Variants in BCR observed in about 807,000 individuals in gnomAD.
The protein encoded by BCR is BCR activator of RhoGEF and GTPase, also known as breakpoint cluster region protein.
In BCR, 58 loss-of-function variants were observed where a neutral mutation model predicts 138.6. The ratio of observed to expected loss-of-function variants is 0.42; its 90% CI spans 0.34 to 0.52. The LOEUF (loss-of-function observed/expected upper bound fraction) is 0.52, where lower values mean the gene tolerates loss of function less well. Ranked by LOEUF, BCR falls within the 20% of genes least tolerant of loss-of-function variation. The pLI is 0.06. For missense variants in BCR, 1,599 were observed against 1,727.2 expected (o/e 0.93, Z 1.32); for synonymous variants, 786 against 730.1 (o/e 1.08, Z -1.23).
Position 23,268,419 on chromosome 22 carries a change from G to A in BCR, c.1764G>A (p.Leu588=), listed in dbSNP as rs2073470419. The A allele has an allele frequency of 1.2e-6, 2 of 1,611,898 alleles. No homozygotes were observed. The highest frequency in any genetic ancestry group is 2.2e-5 in the South Asian group (2 of 90,622). ...TTCCTCCCCCTCAGGCCAGCCAGCT[G>A]GGTGTGTACCGGGCCTTCGTGGACA... ...GDLFQKLASQ[L]GVYRAFVDNY... is the part of the protein sequence containing the mutation. Residue 588 remains leucine, a synonymous_variant, in exon 5 of 23, where the codon CTG becomes CTA. Coordinates refer to ENST00000305877, the MANE Select transcript of BCR (RefSeq NM_004327.4).
chr22:23,257,776 A>G (rs530143825), intron 2 of BCR, among the ~76,000 whole-genome samples: 36 of 152,332 alleles, frequency 2.4e-4, no homozygotes, highest in Non-Finnish European at 3.7e-4. Flanking sequence ...CAGGGCACCA[A>G]GGCAGGCTCA....
chr22:23,205,615 G>A (rs2072603814), intron 1 of BCR, among the ~76,000 whole-genome samples: 2 of 151,814 alleles, frequency 1.3e-5, no homozygotes, highest in South Asian at 4.2e-4. Flanking sequence ...AGAAGCTCAG[G>A]CAGCAGAGCC....
intron 1 of BCR, among the ~76,000 whole-genome samples, chr22:23,230,755 G>C (rs759886980): frequency 7.2e-5 from 11 of 152,236 alleles, no homozygotes; most frequent in Non-Finnish European, 1.3e-4. Context: ...GGTGCATAAA[G>C]ATCTTTGGAA....
At chr22:23,205,241 C>A (rs1010142274) in intron 1 of BCR, among the ~76,000 whole-genome samples, 1 of 152,136 alleles carries the variant, frequency 6.6e-6, no homozygotes, top group African/African-American at 2.4e-5. Context: ...GTCTGGAGGG[C>A]ATAAGGACAG....
At chr22:23,240,156 A>G (rs2073073063) in intron 1 of BCR, among the ~76,000 whole-genome samples, 1 of 152,190 alleles carries the variant, frequency 6.6e-6, no homozygotes, top group Non-Finnish European at 1.5e-5. Context: ...ACCTAACCTA[A>G]TGACCTCATT....
intron 14 of BCR, among the ~76,000 whole-genome samples, chr22:23,291,617 C>T (rs550070160): frequency 6.6e-6 from 1 of 152,202 alleles, no homozygotes; most frequent in Admixed American, 6.5e-5. Flanking sequence ...TCTCTCCTTG[C>T]CTCCCTGTTA....
chr22:23,259,679 G>C (rs1415156504), intron 2 of BCR, among the ~76,000 whole-genome samples: 1 of 152,006 alleles, frequency 6.6e-6, no homozygotes, highest in Non-Finnish European at 1.5e-5. Flanking sequence ...ACCACACCCG[G>C]CTAATTTTTG....
At chr22:23,287,025 G>A (rs2073722052) in intron 10 of BCR, 134 bp from the exon 11 acceptor site, 2 of 1,467,808 alleles carry the variant, frequency 1.4e-6, no homozygotes. Flanking sequence ...TGGGGCCCTG[G>A]TCTGTGCTGA....
chr22:23,220,031 G>T (rs1186720332), intron 1 of BCR, among the ~76,000 whole-genome samples: 2 of 152,212 alleles, frequency 1.3e-5, no homozygotes, highest in Non-Finnish European at 2.9e-5. Context: ...GGGCTGGCTG[G>T]TGTCATGTGT....
intron 1 of BCR, among the ~76,000 whole-genome samples, chr22:23,241,369 G>A (rs1305181879): frequency 6.6e-6 from 1 of 152,156 alleles, no homozygotes; most frequent in Non-Finnish European, 1.5e-5. Context: ...TCTTTGGAGG[G>A]GCAGTGAGTG....
chr22:23,248,048 T>G (rs898319640), intron 1 of BCR, among the ~76,000 whole-genome samples: 8 of 152,228 alleles, frequency 5.3e-5, no homozygotes, highest in Admixed American at 2.0e-4. Context: ...GTTCCTGCTT[T>G]CAGTTCTTTT....
At chr22:23,290,297 T>C (rs778318437) in intron 13 of BCR, 42 bp from the exon 14 acceptor site, 62 of 1,587,460 alleles carry the variant, frequency 3.9e-5, no homozygotes, top group African/African-American at 6.7e-5. Flanking sequence ...TGCCTCCCTT[T>C]CCCGGGACAA....
chr22:23,251,267 G>A (rs573795491), intron 1 of BCR: 11 of 152,382 alleles, frequency 7.2e-5, no homozygotes, highest in Admixed American at 5.2e-4. Context: ...GCTAGACACC[G>A]GGTTGGGGTC....
intron 5 of BCR, among the ~76,000 whole-genome samples, chr22:23,269,281 C>T (rs544750749): frequency 3.1e-4 from 47 of 152,334 alleles, no homozygotes; most frequent in Middle Eastern, 3.4e-3. Context: ...GGTCACTCTG[C>T]GACATTTTCC....
chr22:23,212,054 A>G (rs2072691350), intron 1 of BCR, among the ~76,000 whole-genome samples: 1 of 152,136 alleles, frequency 6.6e-6, no homozygotes, highest in Non-Finnish European at 1.5e-5. Flanking sequence ...CTGAAGTGGC[A>G]GGTGGATGGG....
chr22:23,270,197 G>A (rs753605946), intron 5 of BCR, among the ~76,000 whole-genome samples: 1 of 152,192 alleles, frequency 6.6e-6, no homozygotes, highest in Non-Finnish European at 1.5e-5. Flanking sequence ...TCACCCTCAA[G>A]TACAGGAAGG....
At chr22:23,270,280 G>T (rs1207062514) in intron 5 of BCR, among the ~76,000 whole-genome samples, 1 of 152,124 alleles carries the variant, frequency 6.6e-6, no homozygotes, top group Non-Finnish European at 1.5e-5. Flanking sequence ...CTGGTTCCAT[G>T]GAACACCAGC....
chr22:23,242,035 G>A (rs1335343338), intron 1 of BCR, among the ~76,000 whole-genome samples: 2 of 152,106 alleles, frequency 1.3e-5, no homozygotes, highest in African/African-American at 4.8e-5. Flanking sequence ...GCCTCTGGCT[G>A]GATCTAGAAA....
intron 5 of BCR, among the ~76,000 whole-genome samples, chr22:23,270,176 GAGTTCGAAGATCACCCTCA>G (rs1040407581): frequency 3.9e-5 from 6 of 152,200 alleles, no homozygotes; most frequent in African/African-American, 1.4e-4. Context: ...TCAGGCGTGG[GAGTTCGAAGATCACCCTCA>G]AGTACAGGAA....
Sources: allele counts gnomAD v4.1 joint callset (sites outside exome capture counted in the v4.1 genomes callset), GRCh38; gene constraint gnomAD v4.1.1; transcripts MANE v1.5; gene names NCBI Gene and HGNC (gene_info 2026-07-23, HGNC 2026-07-21).